The following FARP1 variants were observed in gnomAD, a reference collection of about 807,000 sequenced individuals.
The protein encoded by FARP1 is FERM, ARH/RhoGEF and pleckstrin domain protein 1, also known as FERM, ARHGEF and pleckstrin domain-containing protein 1.
Under a neutral mutation model 128.8 loss-of-function variants are expected in FARP1, and 52 were observed. The ratio of observed to expected loss-of-function variants is 0.40; its 90% CI spans 0.32 to 0.51. The LOEUF (loss-of-function observed/expected upper bound fraction) is 0.51, where lower values mean the gene tolerates loss of function less well. FARP1 is among the 20% of genes least tolerant of loss of function. FARP1 has a pLI of 0.45. For missense variants in FARP1, 1,333 were observed against 1,367.9 expected (o/e 0.97, Z 0.40); for synonymous variants, 580 against 551.8 (o/e 1.05, Z -0.72).
intron 3 of FARP1, among the ~76,000 whole-genome samples, chr13:98,364,268 T>A (rs546620232): frequency 7.9e-5 from 12 of 152,314 alleles, no homozygotes; most frequent in Non-Finnish European, 1.6e-4. Flanking sequence ...CTAATCCATG[T>A]ATCTATCAGT....
rs867716490 is a variant in FARP1 at position 98,379,133 on chromosome 13, A to T, written c.496+1215A>T. Among the ~76,000 whole-genome samples the T allele has an allele frequency of 5.5e-4, 53 of 97,056 alleles. 8 individuals carry two copies. The highest frequency in any genetic ancestry group is 4.5e-3 in the Middle Eastern group (1 of 222). The allele number at this position is 97,056 out of a possible 152,430, so 63.7% of individuals were successfully genotyped here. On this transcript the variant is annotated intron_variant, in intron 6 of 26. Coordinates refer to ENST00000319562, the MANE Select transcript of FARP1 (RefSeq NM_005766.4). ...TATAATCTATATATAATATATATATAATATATAATCTATATATAATATATA... is the reference window on the plus strand; with the variant it reads ...TATAATCTATATATAATATATATATTATATATAATCTATATATAATATATA...
intron 2 of FARP1, among the ~76,000 whole-genome samples, chr13:98,288,576 C>T (rs561062234): frequency 6.6e-6 from 1 of 152,290 alleles, no homozygotes; most frequent in South Asian, 2.1e-4. Context: ...TTTGTATTGT[C>T]TCCTTTAAAT....
At chr13:98,246,858 G>C (rs1488281993) in intron 2 of FARP1, among the ~76,000 whole-genome samples, 2 of 152,176 alleles carry the variant, frequency 1.3e-5, no homozygotes, top group Non-Finnish European at 2.9e-5. Flanking sequence ...TGAGCCCATG[G>C]ATTCTGCCTG....
intron 17 of FARP1, among the ~76,000 whole-genome samples, chr13:98,425,997 A>G (rs1413543543): frequency 6.6e-6 from 1 of 152,230 alleles, no homozygotes; most frequent in Non-Finnish European, 1.5e-5. Flanking sequence ...ATAACTGCCC[A>G]GAGAAGCTAG....
Position 98,437,798 on chromosome 13 carries a change from C to T in FARP1, c.2275-1006C>T, listed in dbSNP as rs779556518. 12 of 1,594,596 alleles carry T rather than the reference C, an allele frequency of 7.5e-6. No homozygotes were observed. In the African/African-American group the frequency reaches 1.6e-4, roughly 21 times the overall value. ...CCTTTTCCCTTATTAGGACTCCACA[C>T]TTAGGACAAGCCAGGCGCATCCCAT... On this transcript the variant is annotated intron_variant, in intron 19 of 26. Coordinates refer to ENST00000319562, the MANE Select transcript of FARP1 (RefSeq NM_005766.4).
chr13:98,421,274 A>G (rs1218167974), intron 16 of FARP1, among the ~76,000 whole-genome samples: 3 of 152,236 alleles, frequency 2.0e-5, no homozygotes, highest in Admixed American at 6.5e-5. Context: ...ATAGTTGGCA[A>G]AAGAATAGAG....
intron 2 of FARP1, among the ~76,000 whole-genome samples, chr13:98,316,780 C>A (rs1886741178): frequency 6.6e-6 from 1 of 152,170 alleles, no homozygotes; most frequent in Non-Finnish European, 1.5e-5. Context: ...TGAGCAGCCA[C>A]CGCTGTGATG....
At chr13:98,301,859 C>A (rs9300474) in intron 2 of FARP1, among the ~76,000 whole-genome samples, 135,296 of 152,222 alleles carry the variant, frequency 0.89, 60,207 homozygotes, top group East Asian at 1. Context: ...TCCTCTGAGC[C>A]AAAGCCAGGG....
chr13:98,327,306 T>A (rs557662156), intron 2 of FARP1, among the ~76,000 whole-genome samples: 36 of 152,342 alleles, frequency 2.4e-4, no homozygotes, highest in African/African-American at 4.6e-4. Flanking sequence ...GGATTTTTTT[T>A]AAAATGTGTC....
rs140269431 is a variant in FARP1 at position 98,409,393 on chromosome 13, A to G, written c.1470A>G (p.Gly490=). The part of the protein sequence containing the change: ...LSELSVNSQG[G]VAPANVTLSP... ...AGCTGTCTGTGAACTCGCAGGGGGG[A>G]GTGGCCCCTGCCAACGTGACCTTGT... Residue 490 remains glycine, a synonymous_variant, in exon 14 of 27, where the codon GGA becomes GGG. Transcript: ENST00000319562. The G allele has an allele frequency of 1.7e-5, 28 of 1,612,412 alleles. No individual in the cohort carries two copies. The highest frequency in any genetic ancestry group is 1.3e-5 in the African/African-American group (1 of 74,272).
At chr13:98,448,010 C>T in intron 26 of FARP1, 4 of 577,730 alleles carry the variant, frequency 6.9e-6, no homozygotes, top group South Asian at 4.1e-5. Flanking sequence ...AGTGTCACTG[C>T]AGCAAGGTAC....
intron 2 of FARP1, among the ~76,000 whole-genome samples, chr13:98,323,284 T>G (rs1218041997): frequency 6.6e-6 from 1 of 152,146 alleles, no homozygotes; most frequent in Non-Finnish European, 1.5e-5. Flanking sequence ...ACAGTTTCAT[T>G]AATATATTTA....
chr13:98,375,933 A>T (rs9556945), intron 5 of FARP1, among the ~76,000 whole-genome samples: 48,596 of 151,970 alleles, frequency 0.32, 8,252 homozygotes, highest in African/African-American at 0.44. Context: ...GGTAATTGTA[A>T]GAGGGACAGA....
Position 98,446,812 on chromosome 13 carries a change from C to T in FARP1, c.3051C>T (p.Phe1017=), listed in dbSNP as rs758094863. 1.7e-5 allele frequency: 27 copies of T among 1,613,888 alleles called. No individual in the cohort carries two copies. The highest frequency in any genetic ancestry group is 1.6e-4 in the Middle Eastern group (1 of 6,084). The part of the protein sequence containing the change: ...YYFRAESEYT[F]ERWMEVIRSA... ...TCAGGGCGGAAAGCGAGTACACGTT[C>T]GAAAGGTAGACACCCCCTTCCCACG... is the stretch of plus-strand genomic sequence containing the variant. The change falls in exon 26 of 27, where the codon TTC becomes TTT. Residue 1017 remains phenylalanine, a synonymous_variant. Coordinates refer to ENST00000319562, the MANE Select transcript of FARP1 (RefSeq NM_005766.4).
At chr13:98,180,410 C>G (rs1878425236) in intron 1 of FARP1, among the ~76,000 whole-genome samples, 1 of 152,198 alleles carries the variant, frequency 6.6e-6, no homozygotes, top group African/African-American at 2.4e-5. Flanking sequence ...GGCCCTACCT[C>G]CAACACTAAC....
intron 2 of FARP1, among the ~76,000 whole-genome samples, chr13:98,342,520 G>A (rs1274844296): frequency 2.6e-5 from 4 of 151,964 alleles, no homozygotes; most frequent in Non-Finnish European, 5.9e-5. Context: ...CCAACATGGT[G>A]AAACCCCATC....
Position 98,164,981 on chromosome 13 carries a change from G to A in FARP1, c.-24+21489G>A, listed in dbSNP as rs545425956. ...TGTAATCCCAGCCCTTTGGGAAGCC[G>A]AGGTGGGTGGATCACTTGAGGTCGG... On this transcript the variant is annotated intron_variant, in intron 1 of 26. Transcript: ENST00000319562. 9.9e-5 allele frequency among the ~76,000 whole-genome samples: 15 copies of A among 152,192 alleles called. No homozygotes were observed. In the East Asian group the frequency reaches 2.3e-3, roughly 24 times the overall value.
At chr13:98,365,324 A>G (rs1889039134) in intron 3 of FARP1, 71 bp from the exon 4 acceptor site, 2 of 1,237,924 alleles carry the variant, frequency 1.6e-6, no homozygotes, top group African/African-American at 1.5e-5. Flanking sequence ...ACAGCTTTAA[A>G]CAAAATCTCA....
intron 11 of FARP1, among the ~76,000 whole-genome samples, chr13:98,393,344 C>T (rs1286003894): frequency 1.3e-5 from 2 of 152,216 alleles, no homozygotes; most frequent in Non-Finnish European, 2.9e-5. Context: ...TGACTTTCCC[C>T]TTAACTAGAA....
Sources: allele counts gnomAD v4.1 joint callset (sites outside exome capture counted in the v4.1 genomes callset), GRCh38; gene constraint gnomAD v4.1.1; transcripts MANE v1.5; gene names NCBI Gene and HGNC (gene_info 2026-07-23, HGNC 2026-07-21).